The following HIVEP3 variants were observed in gnomAD, a reference collection of about 807,000 sequenced individuals.
HIVEP3 encodes the protein transcription factor HIVEP3.
Under a neutral mutation model 152.8 loss-of-function variants are expected in HIVEP3, and 49 were observed. The ratio of observed to expected loss-of-function variants is 0.32; its 90% CI spans 0.26 to 0.41. The LOEUF is 0.41. HIVEP3 is among the 10% of genes least tolerant of loss of function. The pLI is 1.00. For missense variants in HIVEP3, 2,790 were observed against 3,103.3 expected, an observed-to-expected ratio of 0.90 and a Z score of 2.40; for synonymous variants, 1,269 against 1,289.0, an observed-to-expected ratio of 0.98 and a Z score of 0.33.
chr1:41,626,213 C>CT (rs1414272998), intron 3 of HIVEP3, among the ~76,000 whole-genome samples: 1 of 152,262 alleles, frequency 6.6e-6, no homozygotes, highest in Non-Finnish European at 1.5e-5. Flanking sequence ...GTTTGCAGCA[C>CT]TGCACACCTC....
intron 2 of HIVEP3, among the ~76,000 whole-genome samples, chr1:41,670,603 A>G (rs1645860885): frequency 6.6e-6 from 1 of 152,228 alleles, no homozygotes; most frequent in South Asian, 2.1e-4. Flanking sequence ...ACTATAGAGC[A>G]TATTAGCAGG....
At chr1:41,787,531 CTTTCTTTTT>C (rs1256010657) in intron 1 of HIVEP3, among the ~76,000 whole-genome samples, 74 of 132,482 alleles carry the variant, frequency 5.6e-4, no homozygotes, top group African/African-American at 2.5e-3. Flanking sequence ...CCTTTTCTTT[CTTTCTTTTT>C]TTTTTTTTTT....
At chr1:41,954,966 T>G (rs1017446543) in intron 1 of HIVEP3, among the ~76,000 whole-genome samples, 5 of 148,254 alleles carry the variant, frequency 3.4e-5, no homozygotes, top group African/African-American at 1.3e-4. Context: ...GCTTCCAGGT[T>G]TTTTTTTTTT....
intron 1 of HIVEP3, chr1:41,848,514 T>C (rs1017877266): frequency 6.6e-6 from 1 of 151,816 alleles, no homozygotes; most frequent in Non-Finnish European, 1.5e-5. Flanking sequence ...CAATCATGGA[T>C]AGACATGAGA....
At chr1:41,915,366 T>A (rs553120457) in intron 1 of HIVEP3, among the ~76,000 whole-genome samples, 5 of 152,336 alleles carry the variant, frequency 3.3e-5, no homozygotes, top group East Asian at 3.9e-4. Context: ...TTGTGCCTTT[T>A]AAATTTTTTT....
chr1:42,026,479 T>G (rs1645583111), intron 1 of HIVEP3, among the ~76,000 whole-genome samples: 1 of 152,198 alleles, frequency 6.6e-6, no homozygotes, highest in Admixed American at 6.5e-5. Flanking sequence ...TTTTAATATT[T>G]TCAGTGGAAT....
chr1:41,980,105 T>C (rs1645286135), intron 1 of HIVEP3, among the ~76,000 whole-genome samples: 1 of 152,192 alleles, frequency 6.6e-6, no homozygotes, highest in Admixed American at 6.5e-5. Flanking sequence ...TCTGACATTG[T>C]TGACAGTAAG....
intron 1 of HIVEP3, among the ~76,000 whole-genome samples, chr1:41,948,090 G>A (rs1557534836): frequency 6.6e-6 from 1 of 152,222 alleles, no homozygotes; most frequent in African/African-American, 2.4e-5. Context: ...TGCTGATTGA[G>A]GGGACTTTTT....
chr1:41,661,240 T>C (rs1330419384), intron 2 of HIVEP3, among the ~76,000 whole-genome samples: 1 of 152,228 alleles, frequency 6.6e-6, no homozygotes, highest in African/African-American at 2.4e-5. Flanking sequence ...CCTATGTCCT[T>C]GATGAAACAT....
intron 1 of HIVEP3, among the ~76,000 whole-genome samples, chr1:41,843,458 C>T (rs573095161): frequency 3.9e-5 from 6 of 152,188 alleles, no homozygotes; most frequent in South Asian, 2.1e-4. Context: ...GTATTTCCTC[C>T]GCAATGCTTA....
chr1:41,815,821 G>A (rs1651229653), intron 1 of HIVEP3, among the ~76,000 whole-genome samples: 1 of 151,842 alleles, frequency 6.6e-6, no homozygotes, highest in East Asian at 1.9e-4. Flanking sequence ...CCAAGCCGGA[G>A]TGCAGTGGTG....
At chr1:41,515,481 C>A (rs1449916976) in intron 7 of HIVEP3, among the ~76,000 whole-genome samples, 1 of 152,086 alleles carries the variant, frequency 6.6e-6, no homozygotes, top group East Asian at 1.9e-4. Flanking sequence ...ATGCCCCAGG[C>A]ATTTACCTCC....
intron 1 of HIVEP3, among the ~76,000 whole-genome samples, chr1:42,004,597 A>G (rs1279439054): frequency 6.6e-6 from 1 of 152,330 alleles, no homozygotes; most frequent in East Asian, 1.9e-4. Context: ...TGAACTCTTC[A>G]GGAATGTAAG....
chr1:41,567,964 TC>T (rs747577624), intron 5 of HIVEP3, among the ~76,000 whole-genome samples: 10 of 152,332 alleles, frequency 6.6e-5, no homozygotes, highest in Middle Eastern at 3.4e-3. Context: ...GTTCCCAGAT[TC>T]TAAGAGCTGC....
chr1:41,636,342 T>C (rs1351833684), intron 2 of HIVEP3, among the ~76,000 whole-genome samples: 15 of 152,214 alleles, frequency 9.9e-5, no homozygotes, highest in Admixed American at 9.8e-4. Context: ...AAACATCCTA[T>C]AAAAGCAAGT....
At chr1:41,785,326 T>C (rs1252620991) in intron 1 of HIVEP3, among the ~76,000 whole-genome samples, 3 of 152,204 alleles carry the variant, frequency 2.0e-5, no homozygotes, top group Admixed American at 6.5e-5. Flanking sequence ...TAAAACCAAC[T>C]GAGTAGGCAG....
At chr1:41,837,554 G>A (rs945316168) in intron 1 of HIVEP3, among the ~76,000 whole-genome samples, 3 of 152,108 alleles carry the variant, frequency 2.0e-5, no homozygotes, top group African/African-American at 4.8e-5. Context: ...TCCAACTCCC[G>A]ACCTCAGGTG....
chr1:41,764,911 C>T (rs1053479847), intron 1 of HIVEP3, among the ~76,000 whole-genome samples: 3 of 152,224 alleles, frequency 2.0e-5, no homozygotes, highest in African/African-American at 7.2e-5. Flanking sequence ...TCCAACCTTT[C>T]TTCACAACTC....
chr1:41,512,695 TTAA>T, intron 8 of HIVEP3, 118 bp downstream of exon 8: 1 of 800,850 alleles, frequency 1.2e-6, no homozygotes, highest in Non-Finnish European at 1.9e-6. Context: ...TGCGAAATTA[TTAA>T]TAACTACTGA....
Sources: allele counts gnomAD v4.1 joint callset (sites outside exome capture counted in the v4.1 genomes callset), GRCh38; gene constraint gnomAD v4.1.1; transcripts MANE v1.5; gene names NCBI Gene and HGNC (gene_info 2026-07-23, HGNC 2026-07-21).